The following ODF2L variants were observed in gnomAD, a reference collection of about 807,000 sequenced individuals.
The protein encoded by ODF2L is protein BCAP.
ODF2L carries 76 observed loss-of-function variants against 86.3 expected under a neutral mutation model. The ratio of observed to expected loss-of-function variants is 0.88; its 90% CI spans 0.73 to 1.07. The LOEUF (loss-of-function observed/expected upper bound fraction) is 1.07, where lower values mean the gene tolerates loss of function less well. Ranked by LOEUF, ODF2L falls within the 50% of genes least tolerant of loss-of-function variation. The pLI is 0.00. For missense variants in ODF2L, 748 were observed against 717.4 expected (o/e 1.04, Z -0.49); for synonymous variants, 241 against 231.3 (o/e 1.04, Z -0.38).
At chr1:86,393,545 T>A (rs1661482017) in intron 1 of ODF2L, among the ~76,000 whole-genome samples, 1 of 152,204 alleles carries the variant, frequency 6.6e-6, no homozygotes, top group Non-Finnish European at 1.5e-5. Context: ...AAGAAGGATG[T>A]ATATTTAAAA....
chr1:86,359,667 G>A (rs868703358), intron 12 of ODF2L, among the ~76,000 whole-genome samples: 1 of 151,954 alleles, frequency 6.6e-6, no homozygotes, highest in African/African-American at 2.4e-5. Flanking sequence ...GAGACTACAG[G>A]TGCATGTCAC....
chr1:86,374,612 G>A (rs1660042117), intron 8 of ODF2L, among the ~76,000 whole-genome samples: 2 of 152,080 alleles, frequency 1.3e-5, no homozygotes, highest in South Asian at 2.1e-4. Context: ...GTGGTCTCTC[G>A]TACTTTCCAA....
intron 9 of ODF2L, among the ~76,000 whole-genome samples, chr1:86,371,700 G>A (rs990417491): frequency 1.3e-5 from 2 of 151,908 alleles, no homozygotes; most frequent in Admixed American, 1.3e-4. Flanking sequence ...TCTTTGTTAT[G>A]CATTTAAGTC....
At chr1:86,356,173 C>T (rs987720209) in intron 14 of ODF2L, among the ~76,000 whole-genome samples, 1 of 152,078 alleles carries the variant, frequency 6.6e-6, no homozygotes, top group African/African-American at 2.4e-5. Flanking sequence ...AACTTTGCTC[C>T]TTCTCTCATT....
Position 86,386,899 on chromosome 1 carries a change from AT to A in ODF2L, c.113+15del, listed in dbSNP as rs1660993206. 1 of 1,288,972 alleles carries A rather than the reference AT, an allele frequency of 7.8e-7. No individual in the cohort carries two copies. The highest frequency in any genetic ancestry group is 1.1e-6 in the Non-Finnish European group (1 of 890,878). 79.8% of individuals were successfully genotyped at this position (1,288,972 alleles called of 1,614,324 possible). A position where few individuals can be genotyped will look rare whatever the true frequency, so the allele number is the denominator to read the frequency against. Reference sequence around the variant, plus strand: ...GAATCGGAAATTTAGATTTCCCCTGATACTGATGAGAATACCAGCTGAGATG... The same window carrying A: ...GAATCGGAAATTTAGATTTCCCCTGAACTGATGAGAATACCAGCTGAGATG... On this transcript the variant is annotated intron_variant, in intron 2 of 17. Coordinates refer to ENST00000317336, the Ensembl canonical transcript of ODF2L.
At chr1:86,370,782 G>A (rs1364878927) in intron 10 of ODF2L, among the ~76,000 whole-genome samples, 1 of 152,134 alleles carries the variant, frequency 6.6e-6, no homozygotes, top group Non-Finnish European at 1.5e-5. Context: ...ATGTAATTTG[G>A]ATGATTCATT....
exon 10 of ODF2L, chr1:86,371,116 C>G: frequency 6.5e-7 from 1 of 1,542,110 alleles, no homozygotes; most frequent in Non-Finnish European, 8.9e-7. Context: ...CCATGGTCTT[C>G]CATTTTCTTC....
intron 11 of ODF2L, among the ~76,000 whole-genome samples, chr1:86,368,266 AT>A (rs1262823271): frequency 6.6e-6 from 1 of 152,022 alleles, no homozygotes; most frequent in Non-Finnish European, 1.5e-5. Context: ...ACCTTCACTT[AT>A]TTTTTTGAAA....
rs374934865 is a variant in ODF2L, at chr1:86,383,019, A to G, written c.436-17T>C. The G allele has an allele frequency of 1.4e-6, 2 of 1,411,102 alleles. No individual in the cohort carries two copies. Among genetic ancestry groups the G allele is most frequent in the Admixed American group, 1.7e-5 (1 of 58,494 alleles). 87.4% of individuals were successfully genotyped at this position (1,411,102 alleles called of 1,614,324 possible). ...CTTAAGATTCTTGAGCAAATATAAAATAAGAATTAGGAATTTCACAACTTG... is the reference window on the plus strand; with the variant it reads ...CTTAAGATTCTTGAGCAAATATAAAGTAAGAATTAGGAATTTCACAACTTG... On this transcript the variant is annotated splice_polypyrimidine_tract_variant and intron_variant, in intron 5 of 17. Coordinates refer to ENST00000317336, the Ensembl canonical transcript of ODF2L.
At chr1:86,349,068 G>T (rs1351013966), downstream of ODF2L, 5 of 380,874 alleles carry the variant, frequency 1.3e-5, no homozygotes, top group African/African-American at 1.1e-4. Context: ...CACACACATG[G>T]TTGATCTTCA....
intron 13 of ODF2L, among the ~76,000 whole-genome samples, chr1:86,357,125 A>G (rs879357495): frequency 6.6e-6 from 1 of 152,200 alleles, no homozygotes; most frequent in African/African-American, 2.4e-5. Flanking sequence ...TAATTTGGCC[A>G]TTAATGTTAC....
At chr1:86,373,361 C>T (rs1659944563) in intron 8 of ODF2L, among the ~76,000 whole-genome samples, 1 of 149,978 alleles carries the variant, frequency 6.7e-6, no homozygotes, top group African/African-American at 2.4e-5. Context: ...ACTGCAGCCT[C>T]CAACTCCTGA....
intron 11 of ODF2L, 61 bp from the exon 11 acceptor site, chr1:86,360,597 G>A: frequency 4.4e-6 from 3 of 687,470 alleles, no homozygotes; most frequent in East Asian, 2.8e-5. Flanking sequence ...CAGTGCTACA[G>A]AATTATTATA....
chr1:86,395,181 A>G lies in ODF2L; in HGVS notation c.-60+852T>C, dbSNP rs566487342. On this transcript the variant is annotated intron_variant, in intron 1 of 17. Transcript: ENST00000317336. ...TAACCTTAACTCAGTTGCACTTAAAACTCCAAGAACCTCATTCATTCAAAA... is the reference window on the plus strand; with the variant it reads ...TAACCTTAACTCAGTTGCACTTAAAGCTCCAAGAACCTCATTCATTCAAAA... 7.9e-5 allele frequency among the ~76,000 whole-genome samples: 12 copies of G among 151,810 alleles called. No homozygotes were observed. The South Asian group carries it at 2.5e-3, about 32-fold the overall frequency.
In ODF2L at chr1:86,352,272, T is replaced by A. The variant is rs114145752; in HGVS notation, c.1894-64A>T. ...TCTAGTAGACAGTTATTACGTAATT[T>A]AATCATGAGTAATGCTAGCTTTCAG... On this transcript the variant is annotated intron_variant, in intron 17 of 17. Transcript: ENST00000317336. 211 of 1,403,190 alleles carry A rather than the reference T, an allele frequency of 1.5e-4. 1 individual carries two copies. In the African/African-American group the frequency reaches 3.0e-3, roughly 20 times the overall value. 86.9% of individuals were successfully genotyped at this position (1,403,190 alleles called of 1,614,324 possible). A position where few individuals can be genotyped will look rare whatever the true frequency, so the allele number is the denominator to read the frequency against.
At chr1:86,356,463 A>G (rs1658568552) in exon 14 of ODF2L, 2 of 1,611,780 alleles carry the variant, frequency 1.2e-6, no homozygotes, top group African/African-American at 1.3e-5. Flanking sequence ...AAGCTCCCTA[A>G]TGGTGTGTTC....
exon 7 of ODF2L, chr1:86,382,274 C>T (rs2101284064): frequency 6.2e-7 from 1 of 1,611,714 alleles, no homozygotes; most frequent in African/African-American, 1.3e-5. Context: ...TCGTTCTCGG[C>T]TTCCCTTTTA....
exon 18 of ODF2L, chr1:86,350,751 C>T: frequency 6.6e-6 from 1 of 152,184 alleles, no homozygotes; most frequent in East Asian, 1.9e-4. Flanking sequence ...TCCACATCCT[C>T]TCCAGCATCT....
At chr1:86,379,237 C>G (rs1002707581) in intron 7 of ODF2L, among the ~76,000 whole-genome samples, 6 of 152,190 alleles carry the variant, frequency 3.9e-5, no homozygotes, top group Admixed American at 3.9e-4. Flanking sequence ...TATGCAGTCT[C>G]AGGCATTTAT....
Sources: allele counts gnomAD v4.1 joint callset (sites outside exome capture counted in the v4.1 genomes callset), GRCh38; gene constraint gnomAD v4.1.1; transcripts MANE v1.5; gene names NCBI Gene and HGNC (gene_info 2026-07-23, HGNC 2026-07-21).